Variants in GRAP2 observed in about 807,000 individuals in gnomAD.
GRAP2 encodes GRB2 related adaptor protein 2.
A neutral mutation model predicts 43.5 loss-of-function variants in GRAP2; 31 were observed. The ratio of observed to expected loss-of-function variants is 0.71; its 90% CI spans 0.54 to 0.96. The LOEUF (loss-of-function observed/expected upper bound fraction) is 0.96, where lower values mean the gene tolerates loss of function less well. Ranked by LOEUF, GRAP2 falls within the 40% of genes least tolerant of loss-of-function variation. The pLI, the probability that GRAP2 is intolerant of heterozygous loss-of-function variation, is 0.00. For synonymous variants in GRAP2, 156 were observed against 164.8 expected, an observed-to-expected ratio of 0.95 and a Z score of 0.41; for missense variants, 371 against 424.4, an observed-to-expected ratio of 0.87 and a Z score of 1.11.
chr22:39,954,405 A>AT lies in GRAP2; in HGVS notation c.79-1404dup, dbSNP rs895052913. ...AGTCTATATCAAAGACTTAAAAAAAATTTTTTTTTTGAGAGAGGCTTGCTC... is the reference window on the plus strand; with the variant it reads ...AGTCTATATCAAAGACTTAAAAAAAATTTTTTTTTTTGAGAGAGGCTTGCTC... On this transcript the variant is annotated intron_variant, in intron 2 of 7. Transcript: ENST00000344138. Among the ~76,000 whole-genome samples, 17 of 150,484 alleles carry AT rather than the reference A, an allele frequency of 1.1e-4. No individual in the cohort carries two copies. In the South Asian group the frequency reaches 1.7e-3, roughly 15 times the overall value.
intron 1 of GRAP2, among the ~76,000 whole-genome samples, chr22:39,942,964 A>C (rs2066885955): frequency 6.6e-6 from 1 of 152,200 alleles, no homozygotes; most frequent in Non-Finnish European, 1.5e-5. Flanking sequence ...TCCCCAGCAA[A>C]ATAGGAAGTG....
intron 7 of GRAP2, among the ~76,000 whole-genome samples, chr22:39,970,548 A>C (rs1201704643): frequency 6.6e-6 from 1 of 152,064 alleles, no homozygotes; most frequent in Non-Finnish European, 1.5e-5. Flanking sequence ...CTGTTGGTAA[A>C]AGTCCTGGGT....
At chr22:39,942,914 A>G (rs2066885528) in intron 1 of GRAP2, among the ~76,000 whole-genome samples, 1 of 152,216 alleles carries the variant, frequency 6.6e-6, no homozygotes, top group Non-Finnish European at 1.5e-5. Context: ...TCTTATCTGA[A>G]TTACAACATA....
chr22:39,961,316 A>G (rs562841595), intron 4 of GRAP2, among the ~76,000 whole-genome samples: 7 of 152,288 alleles, frequency 4.6e-5, no homozygotes, highest in Admixed American at 2.0e-4. Context: ...ACAGGAGGGC[A>G]GGAGAAGGCC....
intron 2 of GRAP2, among the ~76,000 whole-genome samples, chr22:39,955,374 C>T (rs1414466211): frequency 6.7e-6 from 1 of 148,884 alleles, no homozygotes; most frequent in Non-Finnish European, 1.5e-5. Flanking sequence ...CGAAAAACAA[C>T]AACAAAAAAA....
chr22:39,939,300 C>A (rs532073209), intron 1 of GRAP2, among the ~76,000 whole-genome samples: 1 of 152,102 alleles, frequency 6.6e-6, no homozygotes, highest in African/African-American at 2.4e-5. Flanking sequence ...CGGTGGCTCG[C>A]GCCTGTAATC....
At chr22:39,942,512 C>T (rs144581979) in intron 1 of GRAP2, among the ~76,000 whole-genome samples, 4 of 152,140 alleles carry the variant, frequency 2.6e-5, no homozygotes, top group African/African-American at 7.2e-5. Flanking sequence ...GGCTGGACCA[C>T]GGTGGCTCAT....
intron 1 of GRAP2, among the ~76,000 whole-genome samples, chr22:39,902,265 A>G (rs993884061): frequency 6.6e-6 from 1 of 152,200 alleles, no homozygotes; most frequent in African/African-American, 2.4e-5. Context: ...CTATGCAGCA[A>G]TGTTTGTCAT....
At chr22:39,910,972 C>T (rs890815092) in intron 1 of GRAP2, among the ~76,000 whole-genome samples, 2 of 152,096 alleles carry the variant, frequency 1.3e-5, no homozygotes, top group East Asian at 3.9e-4. Flanking sequence ...TCTCTGCAAC[C>T]GTGGATGAAT....
At position 39,947,036 on chromosome 22, in the gene GRAP2, G is replaced by A. The variant is rs1484327786; in HGVS notation, c.-14-57G>A. Reference sequence around the variant, plus strand: ...TGCTGATTACCAGGAAGCACCATCGGCTCTGCTGCCCTCCCCCTGGCAGAG... The same window carrying A: ...TGCTGATTACCAGGAAGCACCATCGACTCTGCTGCCCTCCCCCTGGCAGAG... On this transcript the variant is annotated intron_variant, in intron 1 of 7. Coordinates refer to ENST00000344138, the MANE Select transcript of GRAP2 (RefSeq NM_004810.4). The A allele has an allele frequency of 4.1e-6, 4 of 974,488 alleles. No individual in the cohort carries two copies. The African/African-American group carries it at 6.4e-5, about 15-fold the overall frequency. 60.4% of individuals were successfully genotyped at this position (974,488 alleles called of 1,614,324 possible).
intron 1 of GRAP2, among the ~76,000 whole-genome samples, chr22:39,906,675 T>C (rs952665613): frequency 6.6e-6 from 1 of 152,246 alleles, no homozygotes; most frequent in African/African-American, 2.4e-5. Context: ...TCATGAATAA[T>C]ACTTCTTCGT....
chr22:39,955,399 T>C (rs2067037064), intron 2 of GRAP2, among the ~76,000 whole-genome samples: 1 of 140,984 alleles, frequency 7.1e-6, no homozygotes, highest in Admixed American at 7.2e-5. Flanking sequence ...AAAAGTTTCC[T>C]GGTTACCTGG....
At chr22:39,947,230 C>T in intron 2 of GRAP2, 46 bp downstream of exon 2, 1 of 866,098 alleles carries the variant, frequency 1.2e-6, no homozygotes, top group South Asian at 1.3e-5. Context: ...GTTTCAGTTA[C>T]TCAGTAATCT....
upstream of GRAP2, among the ~76,000 whole-genome samples, chr22:39,897,872 C>G (rs1482354195): frequency 6.6e-6 from 1 of 152,078 alleles, no homozygotes; most frequent in Non-Finnish European, 1.5e-5. Context: ...CCCTTGCTAT[C>G]TAATTTCAGC....
chr22:39,915,943 A>C (rs1038877046), intron 1 of GRAP2, among the ~76,000 whole-genome samples: 1 of 152,192 alleles, frequency 6.6e-6, no homozygotes, highest in Non-Finnish European at 1.5e-5. Flanking sequence ...CATTTAGCTG[A>C]GAGCATACAC....
intron 1 of GRAP2, among the ~76,000 whole-genome samples, chr22:39,944,236 C>A (rs116218311): frequency 0.016 from 2,418 of 152,152 alleles, 64 homozygotes; most frequent in African/African-American, 0.056. Flanking sequence ...TTCCTTTTTC[C>A]CTGGTGGTAA....
chr22:39,925,393 T>A (rs951849633), intron 1 of GRAP2, among the ~76,000 whole-genome samples: 6 of 152,160 alleles, frequency 3.9e-5, no homozygotes, highest in African/African-American at 1.4e-4. Flanking sequence ...GATATTGTGA[T>A]CCTGTGTGCT....
chr22:39,938,738 G>C (rs989844548), intron 1 of GRAP2, among the ~76,000 whole-genome samples: 2 of 152,250 alleles, frequency 1.3e-5, no homozygotes, highest in African/African-American at 4.8e-5. Context: ...AGACAGCTCT[G>C]TTGGCGGCTT....
intron 1 of GRAP2, among the ~76,000 whole-genome samples, chr22:39,930,590 C>T (rs930700408): frequency 1.3e-5 from 2 of 152,216 alleles, no homozygotes; most frequent in Non-Finnish European, 2.9e-5. Context: ...AAGACTACTG[C>T]GATGCTTTCT....
Sources: allele counts gnomAD v4.1 joint callset (sites outside exome capture counted in the v4.1 genomes callset), GRCh38; gene constraint gnomAD v4.1.1; transcripts MANE v1.5; gene names NCBI Gene and HGNC (gene_info 2026-07-23, HGNC 2026-07-21).